The following FOXP1 variants were observed in gnomAD, a reference collection of about 807,000 sequenced individuals.
FOXP1 encodes the protein forkhead box P1.
A neutral mutation model predicts 98.2 loss-of-function variants in FOXP1; 15 were observed. The observed-to-expected ratio is 0.15, with a 90% CI of 0.10 to 0.24. FOXP1 has a LOEUF of 0.24. FOXP1 is among the 10% of genes least tolerant of loss of function. FOXP1 has a pLI of 1.00. For missense variants in FOXP1, 633 were observed against 848.5 expected, an observed-to-expected ratio of 0.75 and a Z score of 3.15; for synonymous variants, 371 against 314.5, an observed-to-expected ratio of 1.18 and a Z score of -1.90.
At chr3:71,308,312 T>A (rs532093658) in intron 4 of FOXP1, among the ~76,000 whole-genome samples, 1 of 152,142 alleles carries the variant, frequency 6.6e-6, no homozygotes, top group Non-Finnish European at 1.5e-5. Context: ...ATGCACTTCA[T>A]CTCGGCGGAA....
chr3:71,147,755 G>C (rs1312947246), intron 6 of FOXP1, among the ~76,000 whole-genome samples: 2 of 152,130 alleles, frequency 1.3e-5, no homozygotes, highest in Non-Finnish European at 2.9e-5. Flanking sequence ...ACCAAGGTAG[G>C]GAGGTGCTTC....
intron 5 of FOXP1, among the ~76,000 whole-genome samples, chr3:71,248,038 AAGAC>A (rs1560182860): frequency 6.6e-6 from 1 of 152,218 alleles, no homozygotes; most frequent in Non-Finnish European, 1.5e-5. Context: ...GCACAATAGC[AAGAC>A]AGATTCCTAA....
rs935246975 is a variant in FOXP1, at chr3:70,958,926, G to A, written c.*321C>T. On this transcript the variant is annotated 3_prime_UTR_variant, in exon 21 of 21. Transcript: ENST00000649528. ...TTGGCAGGACTGCAGTTCAAAGTCTGCTGCTAAAAGTGAATCAGTTTAGCA... is the reference window on the plus strand; with the variant it reads ...TTGGCAGGACTGCAGTTCAAAGTCTACTGCTAAAAGTGAATCAGTTTAGCA... 3 of 427,080 alleles carry A rather than the reference G, an allele frequency of 7.0e-6. No individual in the cohort carries two copies. Among genetic ancestry groups the A allele is most frequent in the Non-Finnish European group, 1.3e-5 (3 of 227,924 alleles). 26.5% of individuals were successfully genotyped at this position (427,080 alleles called of 1,614,324 possible).
At chr3:71,425,798 A>T (rs962685344) in intron 3 of FOXP1, among the ~76,000 whole-genome samples, 11 of 152,200 alleles carry the variant, frequency 7.2e-5, no homozygotes, top group Admixed American at 3.3e-4. Flanking sequence ...ATACCTCAAC[A>T]TTTGCCCTCA....
At chr3:71,008,535 T>C (rs560419405) in intron 12 of FOXP1, among the ~76,000 whole-genome samples, 2 of 152,228 alleles carry the variant, frequency 1.3e-5, no homozygotes, top group South Asian at 2.1e-4. Context: ...TGCTATCAGT[T>C]AGCACTAACA....
chr3:71,253,045 T>C (rs1021473812), intron 5 of FOXP1, among the ~76,000 whole-genome samples: 1 of 152,234 alleles, frequency 6.6e-6, no homozygotes, highest in Non-Finnish European at 1.5e-5. Context: ...TGTCGCTTCA[T>C]GGCTATCTGT....
chr3:71,294,426 CA>C (rs1182901235), intron 5 of FOXP1, among the ~76,000 whole-genome samples: 1 of 152,154 alleles, frequency 6.6e-6, no homozygotes, highest in Non-Finnish European at 1.5e-5. Context: ...CTTCTCAAAT[CA>C]ACCAACAATT....
chr3:70,978,099 A>C, intron 14 of FOXP1, 70 bp from the exon 15 acceptor site: 2 of 1,315,240 alleles, frequency 1.5e-6, no homozygotes, highest in Non-Finnish European at 2.2e-6. Flanking sequence ...CACATCTAGC[A>C]GGAGTAACAC....
chr3:70,960,340 G>A lies in FOXP1; in HGVS notation c.1890-949C>T, dbSNP rs3773493. Among the ~76,000 whole-genome samples the A allele has an allele frequency of 4.7e-4, 71 of 152,258 alleles. 2 individuals carry two copies. The East Asian group carries it at 0.012, about 26-fold the overall frequency. On this transcript the variant is annotated intron_variant, in intron 20 of 20. Transcript: ENST00000649528. ...GTAAACAAGGCAAAACATGAGGCCC[G>A]GCTGGTAGCAGCCACTGGGATGAGC...
intron 4 of FOXP1, among the ~76,000 whole-genome samples, chr3:71,347,799 C>A (rs150001846): frequency 7.2e-4 from 109 of 151,922 alleles, no homozygotes; most frequent in African/African-American, 2.6e-3. Context: ...GCAAGAGAAT[C>A]GCTTGAACAT....
intron 18 of FOXP1, chr3:70,972,332 A>C: frequency 1.1e-6 from 1 of 876,706 alleles, no homozygotes; most frequent in Non-Finnish European, 1.7e-6. Flanking sequence ...ATGCATTGCC[A>C]CCTAAAAGCT....
At chr3:70,989,852 G>A (rs191616435) in intron 13 of FOXP1, among the ~76,000 whole-genome samples, 16 of 152,274 alleles carry the variant, frequency 1.1e-4, no homozygotes, top group Admixed American at 9.8e-4. Context: ...ACCACTAAGT[G>A]TGGTATAAGG....
chr3:71,164,010 T>C (rs934223631), intron 6 of FOXP1, among the ~76,000 whole-genome samples: 1 of 152,154 alleles, frequency 6.6e-6, no homozygotes, highest in South Asian at 2.1e-4. Flanking sequence ...AACATGAGTC[T>C]GTCTGTAAAA....
chr3:71,434,631 G>GGTGTGTGTGTGTGTGTGT (rs55643841), intron 3 of FOXP1, among the ~76,000 whole-genome samples: 3 of 142,342 alleles, frequency 2.1e-5, no homozygotes, highest in African/African-American at 7.9e-5. Context: ...GAGGGGATGG[G>GGTGTGTGTGTGTGTGTGT]GTGTGTGTGT....
chr3:71,541,270 A>G (rs2044787015), intron 2 of FOXP1, among the ~76,000 whole-genome samples: 1 of 152,236 alleles, frequency 6.6e-6, no homozygotes, highest in Admixed American at 6.5e-5. Context: ...GAGAAGAATA[A>G]TATTTGGGCA....
chr3:71,328,974 T>TAAAAAAAAAAAAAAAA (rs869252301), intron 4 of FOXP1, among the ~76,000 whole-genome samples: 4 of 31,184 alleles, frequency 1.3e-4, no homozygotes, highest in Admixed American at 1.3e-3. Flanking sequence ...TCCATCTCGC[T>TAAAAAAAAAAAAAAAA]AAAAAAAAAA....
At chr3:71,228,294 GT>G (rs1277280628) in intron 5 of FOXP1, among the ~76,000 whole-genome samples, 1 of 150,802 alleles carries the variant, frequency 6.6e-6, no homozygotes, top group Non-Finnish European at 1.5e-5. Flanking sequence ...AAATTATTGG[GT>G]TAAATAAAGA....
In FOXP1 at chr3:70,955,930, GAAA is replaced by G. The variant is rs910982900; in HGVS notation, c.*3314_*3316del. On this transcript the variant is annotated 3_prime_UTR_variant, in exon 21 of 21. Coordinates refer to ENST00000649528, the MANE Select transcript of FOXP1 (RefSeq NM_001349338.3). ...TCAACTATGTTACAGTTTAAAAGCA[GAAA>G]AAAAAAGTTAGGGAGTTTCTCCCTC... 4.3e-6 allele frequency: 1 copy of G among 230,426 alleles called. No individual in the cohort carries two copies. Among genetic ancestry groups the G allele is most frequent in the Non-Finnish European group, 8.5e-6 (1 of 117,232 alleles). 14.3% of individuals were successfully genotyped at this position (230,426 alleles called of 1,614,324 possible).
At chr3:71,465,694 C>T (rs2088637803) in intron 3 of FOXP1, among the ~76,000 whole-genome samples, 1 of 152,152 alleles carries the variant, frequency 6.6e-6, no homozygotes, top group Admixed American at 6.5e-5. Context: ...AAGAGCAAAT[C>T]CATCTTTCCA....
Sources: gnomAD v4.1 joint callset for allele counts (sites outside exome capture counted in the v4.1 genomes callset) on GRCh38, gnomAD v4.1.1 for gene constraint, MANE v1.5 for transcripts, NCBI Gene and HGNC (gene_info 2026-07-23, HGNC 2026-07-21) for gene names.